PDE10A: variants seen among roughly 807,000 people sequenced by gnomAD.
The protein encoded by PDE10A is phosphodiesterase 10A.
PDE10A carries 39 observed loss-of-function variants against 97.7 expected under a neutral mutation model. The ratio of observed to expected loss-of-function variants is 0.40; its 90% CI spans 0.31 to 0.52. The LOEUF is 0.52. PDE10A is among the 20% of genes least tolerant of loss of function. The pLI, the probability that PDE10A is intolerant of heterozygous loss-of-function variation, is 0.56. For synonymous variants in PDE10A, 371 were observed against 376.8 expected (o/e 0.98, Z 0.18); for missense variants, 731 against 1,047.8 (o/e 0.70, Z 4.17).
chr6:165,717,893 G>A (rs9365914), intron 1 of PDE10A, among the ~76,000 whole-genome samples: 16,974 of 152,198 alleles, frequency 0.11, 1,435 homozygotes, highest in East Asian at 0.24. Flanking sequence ...ATCTTCTCTG[G>A]AGAAACATCT....
At chr6:165,699,857 T>C (rs1338444332) in intron 1 of PDE10A, among the ~76,000 whole-genome samples, 1 of 152,160 alleles carries the variant, frequency 6.6e-6, no homozygotes, top group East Asian at 1.9e-4. Context: ...TTTACAGCTG[T>C]AAATACTTAT....
At chr6:165,525,110 A>G (rs1191252893) in intron 2 of PDE10A, among the ~76,000 whole-genome samples, 2 of 152,150 alleles carry the variant, frequency 1.3e-5, no homozygotes, top group Non-Finnish European at 2.9e-5. Context: ...TTCTAGACCT[A>G]TAATAGTCTG....
Position 165,332,407 on chromosome 6 carries a change from T to A in PDE10A, c.*618A>T, listed in dbSNP as rs920393538. Reference sequence around the variant, plus strand: ...AGCCCTTTAGGTTGAACTTAAAGAATTATGTTTAGTCTAACTAAATTCATG... The same window carrying A: ...AGCCCTTTAGGTTGAACTTAAAGAAATATGTTTAGTCTAACTAAATTCATG... On this transcript the variant is annotated 3_prime_UTR_variant, in exon 22 of 22. Transcript: ENST00000539869. 1.3e-5 allele frequency: 2 copies of A among 152,228 alleles called. No individual in the cohort carries two copies. The highest frequency in any genetic ancestry group is 4.8e-5 in the African/African-American group (2 of 41,468). 9.4% of individuals were successfully genotyped at this position (152,228 alleles called of 1,614,324 possible). A position where few individuals can be genotyped will look rare whatever the true frequency, so the allele number is the denominator to read the frequency against.
At chr6:165,707,528 T>C (rs975014202) in intron 1 of PDE10A, among the ~76,000 whole-genome samples, 1 of 152,194 alleles carries the variant, frequency 6.6e-6, no homozygotes, top group Non-Finnish European at 1.5e-5. Flanking sequence ...TGGCTACCAA[T>C]TGTGTGAGGA....
intron 1 of PDE10A, among the ~76,000 whole-genome samples, chr6:165,878,005 C>A (rs7754460): frequency 4.6e-5 from 7 of 152,274 alleles, no homozygotes; most frequent in Admixed American, 2.6e-4. Flanking sequence ...TTATGCAACA[C>A]CCTCCACTGC....
intron 1 of PDE10A, among the ~76,000 whole-genome samples, chr6:165,888,071 G>C (rs2128481678): frequency 6.6e-6 from 1 of 152,190 alleles, no homozygotes; most frequent in East Asian, 1.9e-4. Context: ...TGCACTGGCT[G>C]TTCCCTCTGC....
intron 13 of PDE10A, among the ~76,000 whole-genome samples, chr6:165,410,202 C>T (rs1390930236): frequency 1.3e-5 from 2 of 152,072 alleles, no homozygotes; most frequent in African/African-American, 4.8e-5. Context: ...TTAATGAGGG[C>T]TAATAAAGGT....
intron 2 of PDE10A, among the ~76,000 whole-genome samples, chr6:165,543,075 T>G (rs1486375366): frequency 6.6e-6 from 1 of 152,204 alleles, no homozygotes; most frequent in Admixed American, 6.5e-5. Flanking sequence ...GTAATAGACT[T>G]ATCTTTGTAA....
intron 1 of PDE10A, among the ~76,000 whole-genome samples, chr6:165,931,886 G>A (rs2128490841): frequency 6.6e-6 from 1 of 152,278 alleles, no homozygotes; most frequent in African/African-American, 2.4e-5. Context: ...TTGAGAAGCA[G>A]GAATGAGACA....
intron 1 of PDE10A, among the ~76,000 whole-genome samples, chr6:165,769,723 C>G (rs1316337619): frequency 6.6e-6 from 1 of 152,190 alleles, no homozygotes; most frequent in Non-Finnish European, 1.5e-5. Context: ...AGGCACGCAT[C>G]TGACATCTAA....
chr6:165,932,547 G>T (rs1221499660), intron 1 of PDE10A, among the ~76,000 whole-genome samples: 2 of 152,144 alleles, frequency 1.3e-5, no homozygotes, highest in African/African-American at 4.8e-5. Context: ...TATTGGTCAG[G>T]CTGGTCTCGA....
chr6:165,709,724 C>G (rs1332429656), intron 1 of PDE10A, among the ~76,000 whole-genome samples: 1 of 129,156 alleles, frequency 7.7e-6, no homozygotes, highest in Non-Finnish European at 1.6e-5. Context: ...CCCCCACTCT[C>G]TACCCCCATG....
chr6:165,752,699 C>G (rs754860014), intron 1 of PDE10A, among the ~76,000 whole-genome samples: 1 of 152,254 alleles, frequency 6.6e-6, no homozygotes, highest in Non-Finnish European at 1.5e-5. Context: ...TCTCTCTGTT[C>G]ATGAAACACC....
chr6:165,469,535 G>C (rs1197895746), intron 3 of PDE10A, among the ~76,000 whole-genome samples: 2 of 152,198 alleles, frequency 1.3e-5, no homozygotes, highest in Non-Finnish European at 2.9e-5. Flanking sequence ...ACATAAATTT[G>C]AATGCCTGAA....
At chr6:165,537,910 T>C (rs181598403) in intron 2 of PDE10A, among the ~76,000 whole-genome samples, 2,974 of 152,128 alleles carry the variant, frequency 0.02, 55 homozygotes, top group South Asian at 0.072. Context: ...GTTTTTTTCT[T>C]ATCATGAAAA....
intron 1 of PDE10A, among the ~76,000 whole-genome samples, chr6:165,588,049 C>T (rs769799475): frequency 1.3e-5 from 2 of 152,154 alleles, no homozygotes; most frequent in Non-Finnish European, 2.9e-5. Flanking sequence ...TTTTCTTTAT[C>T]ATCAATAAGA....
chr6:165,518,809 T>C (rs1781969957), intron 2 of PDE10A, among the ~76,000 whole-genome samples: 1 of 152,330 alleles, frequency 6.6e-6, no homozygotes, highest in South Asian at 2.1e-4. Flanking sequence ...CTACACAAGT[T>C]ACAGCCGCAG....
intron 1 of PDE10A, among the ~76,000 whole-genome samples, chr6:165,610,944 G>A (rs1007183293): frequency 3.9e-5 from 6 of 152,018 alleles, no homozygotes; most frequent in Non-Finnish European, 5.9e-5. Context: ...AAAATAAGGA[G>A]CACTACTAGT....
intron 1 of PDE10A, among the ~76,000 whole-genome samples, chr6:165,872,866 A>C (rs1453948737): frequency 6.6e-6 from 1 of 152,136 alleles, no homozygotes; most frequent in Non-Finnish European, 1.5e-5. Flanking sequence ...GGTGAATGCT[A>C]TGTGCTTGTG....
Sources: gnomAD v4.1 joint callset for allele counts (sites outside exome capture counted in the v4.1 genomes callset) on GRCh38, gnomAD v4.1.1 for gene constraint, MANE v1.5 for transcripts, NCBI Gene and HGNC (gene_info 2026-07-23, HGNC 2026-07-21) for gene names.